The following ENAM variants were observed in gnomAD, a reference collection of about 807,000 sequenced individuals.
ENAM encodes the protein enamelin.
Under a neutral mutation model 33.6 loss-of-function variants are expected in ENAM, and 21 were observed. The observed-to-expected ratio is 0.63, with a 90% CI of 0.44 to 0.90. ENAM has a LOEUF of 0.90. Among genes scored for constraint, ENAM ranks in the 40% least tolerant of loss-of-function variants. The pLI, the probability that ENAM is intolerant of heterozygous loss-of-function variation, is 0.00. For synonymous variants in ENAM, 473 were observed against 468.4 expected (o/e 1.01, Z -0.13); for missense variants, 1,388 against 1,366.9 (o/e 1.02, Z -0.24).
intron 5 of ENAM, among the ~76,000 whole-genome samples, chr4:70,633,544 T>C (rs147966347): frequency 6.6e-6 from 1 of 152,158 alleles, no homozygotes; most frequent in South Asian, 2.1e-4. Flanking sequence ...CATCATCTAA[T>C]AGATAGCAAG....
Position 70,642,276 on chromosome 4 carries a change from C to T in ENAM, c.850C>T (p.Pro284Ser). 5 of 1,614,174 alleles carry T rather than the reference C, an allele frequency of 3.1e-6. No individual in the cohort carries two copies. Among genetic ancestry groups the T allele is most frequent in the Non-Finnish European group, 4.2e-6 (5 of 1,180,036 alleles). ...TPGLNTGNNP[P>S]AQNGIGPLPA... ...AGGACTAAACACTGGGAACAACCCT[C>T]CAGCTCAAAATGGGATTGGCCCACT... is the stretch of plus-strand genomic sequence containing the variant. The change falls in exon 9 of 9, where the codon CCA becomes TCA. Residue 284 changes from proline to serine, a missense_variant. By Grantham distance (74) the Pro-to-Ser change is moderately conservative. Transcript: ENST00000396073.
chr4:70,637,570 A>G, intron 7 of ENAM: 1 of 571,940 alleles, frequency 1.7e-6, no homozygotes, highest in East Asian at 2.9e-5. Context: ...AGGATAATCT[A>G]GGATCCAGCT....
Position 70,637,801 on chromosome 4 carries a change from A to G in ENAM, c.546A>G (p.Pro182=). 6.2e-7 allele frequency: 1 copy of G among 1,613,682 alleles called. No individual in the cohort carries two copies. The highest frequency in any genetic ancestry group is 1.3e-5 in the African/African-American group (1 of 75,026). Residue 182 remains proline, a synonymous_variant, in exon 8 of 9, where the codon CCA becomes CCG. Transcript: ENST00000396073. ...PPWQIPQRLP[P]PGYGRPPISN... ...TTTTCACTTCTCAGAGGTTACCACC[A>G]CCAGGTTATGGACGCCCACCAATCA...
rs1738717000 is a variant in ENAM, at chr4:70,644,837, C to T, written c.3411C>T (p.Cys1137=). 6.2e-7 allele frequency: 1 copy of T among 1,613,762 alleles called. No homozygotes were observed. Among genetic ancestry groups the T allele is most frequent in the South Asian group, 1.1e-5 (1 of 91,080 alleles). The change falls in exon 9 of 9, where the codon TGC becomes TGT. Residue 1137 remains cysteine (C), a synonymous_variant. Transcript: ENST00000396073. ...GTNVQDQVQD[C]LLLQA is the part of the protein sequence containing the mutation. ...ATGTACAGGACCAGGTACAAGACTGCTTACTACTTCAGGCCTAGGGGTTAT... is the reference window on the plus strand; with the variant it reads ...ATGTACAGGACCAGGTACAAGACTGTTTACTACTTCAGGCCTAGGGGTTAT...
intron 2 of ENAM, among the ~76,000 whole-genome samples, chr4:70,629,808 C>T (rs1271329561): frequency 6.6e-6 from 1 of 152,086 alleles, no homozygotes; most frequent in Non-Finnish European, 1.5e-5. Flanking sequence ...GAAGGGATCT[C>T]AGTCATCCAA....
At chr4:70,634,205 C>A in intron 5 of ENAM, 103 bp from the exon 6 acceptor site, 3 of 1,151,726 alleles carry the variant, frequency 2.6e-6, no homozygotes, top group Non-Finnish European at 3.9e-6. Flanking sequence ...AGTTCCAGGA[C>A]TTTTAAGCTC....
rs2148523966 is a variant in ENAM at position 70,644,427 on chromosome 4, G to A, written c.3001G>A (p.Val1001Ile). 6.2e-7 allele frequency: 1 copy of A among 1,614,170 alleles called. No homozygotes were observed. Among genetic ancestry groups the A allele is most frequent in the Non-Finnish European group, 8.5e-7 (1 of 1,180,020 alleles). The stretch of plus-strand genomic sequence containing the variant: ...AGATGGGAACAACATTCTGGAACAA[G>A]TTTTTGAAGACAACCAGCTCAATGA... ...GGDGNNILEQ[V>I]FEDNQLNERT... Residue 1001 changes from valine (V) to isoleucine (I), a missense_variant, in exon 9 of 9, where the codon GTT (valine) becomes ATT (isoleucine). Coordinates refer to ENST00000396073, the MANE Select transcript of ENAM (RefSeq NM_031889.3).
chr4:70,638,268 A>G (rs1175986133), intron 8 of ENAM, among the ~76,000 whole-genome samples: 2 of 152,062 alleles, frequency 1.3e-5, no homozygotes, highest in Non-Finnish European at 2.9e-5. Flanking sequence ...AACCAAATGT[A>G]TATCACAGAG....
In ENAM at chr4:70,634,828, C is replaced by T. The variant is rs1006823238; in HGVS notation, c.471+260C>T. On this transcript the variant is annotated intron_variant, in intron 6 of 8. Transcript: ENST00000396073. Reference sequence around the variant, plus strand: ...ATAATATGAGCACTAATCTAACAGTCGAGAATCAAAGGTTCAAGTCCTATG... The same window carrying T: ...ATAATATGAGCACTAATCTAACAGTTGAGAATCAAAGGTTCAAGTCCTATG... Among the ~76,000 whole-genome samples the T allele has an allele frequency of 3.3e-5, 5 of 152,110 alleles. No individual in the cohort carries two copies. In the East Asian group the frequency reaches 7.7e-4, roughly 23 times the overall value.
chr4:70,644,602 G>A lies in ENAM; in HGVS notation c.3176G>A (p.Gly1059Asp). 1 of 1,613,094 alleles carries A rather than the reference G, an allele frequency of 6.2e-7. No homozygotes were observed. The highest frequency in any genetic ancestry group is 8.5e-7 in the Non-Finnish European group (1 of 1,179,274). Residue 1059 changes from glycine to aspartate, a missense_variant, in exon 9 of 9, where the codon GGC becomes GAC. By Grantham distance (94) the Gly-to-Asp change is moderately conservative. Transcript: ENST00000396073. ...PSNILHLPCF[G>D]SKLAKHHSST... is the part of the protein sequence containing the mutation. ...AACATTCTGCATTTGCCATGCTTTG[G>A]CTCCAAATTAGCAAAGCATCACTCT... is the stretch of plus-strand genomic sequence containing the variant.
Position 70,643,780 on chromosome 4 carries a change from A to T in ENAM, c.2354A>T (p.Asn785Ile). ...QRERRPYFNR[N>I]IWDQATHLQK... The stretch of plus-strand genomic sequence containing the variant: ...GAAAGAAGGCCGTATTTTAACAGAA[A>T]TATCTGGGATCAGGCAACACATTTA... The change falls in exon 9 of 9, where the codon AAT becomes ATT. Residue 785 changes from asparagine to isoleucine, a missense_variant. Transcript: ENST00000396073. 6.2e-7 allele frequency: 1 copy of T among 1,614,176 alleles called. No individual in the cohort carries two copies. Among genetic ancestry groups the T allele is most frequent in the Non-Finnish European group, 8.5e-7 (1 of 1,180,018 alleles).
In ENAM at chr4:70,644,614, C is replaced by G; in HGVS notation, c.3188C>G (p.Ala1063Gly). 5 of 1,613,244 alleles carry G rather than the reference C, an allele frequency of 3.1e-6. No individual in the cohort carries two copies. The South Asian group carries it at 5.5e-5, about 18-fold the overall frequency. ...TTGCCATGCTTTGGCTCCAAATTAG[C>G]AAAGCATCACTCTTCCACCACCGGA... Reference protein sequence around the residue: ...LHLPCFGSKLAKHHSSTTGTP... With the variant: ...LHLPCFGSKLGKHHSSTTGTP... Residue 1063 changes from alanine to glycine, a missense_variant, in exon 9 of 9, where the codon GCA becomes GGA. Physicochemically the swap from Ala to Gly is moderately conservative, Grantham distance 60. Coordinates refer to ENST00000396073, the MANE Select transcript of ENAM (RefSeq NM_031889.3).
At position 70,642,765 on chromosome 4, in the gene ENAM, A is replaced by G; in HGVS notation, c.1339A>G (p.Ile447Val). The G allele has an allele frequency of 1.9e-6, 3 of 1,611,654 alleles. No homozygotes were observed. Among genetic ancestry groups the G allele is most frequent in the Non-Finnish European group, 2.5e-6 (3 of 1,179,340 alleles). ...GAAGCCCCTGGGTCCAAAAGAACAA[A>G]TAATAGTTCCTACAAAGAATCCAAC... ...KEKPLGPKEQ[I>V]IVPTKNPTSP... Residue 447 changes from isoleucine to valine, a missense_variant, in exon 9 of 9, where the codon ATA (isoleucine) becomes GTA (valine). Ile to Val is a conservative substitution (Grantham distance 29). Transcript: ENST00000396073.
At position 70,645,584 on chromosome 4, in the gene ENAM, A is replaced by G. The variant is rs531207869; in HGVS notation, c.*729A>G. 14 of 152,244 alleles carry G rather than the reference A, an allele frequency of 9.2e-5. No homozygotes were observed. Among genetic ancestry groups the G allele is most frequent in the African/African-American group, 3.4e-4 (14 of 41,516 alleles). 9.4% of individuals were successfully genotyped at this position (152,244 alleles called of 1,614,324 possible). A position where few individuals can be genotyped will look rare whatever the true frequency, so the allele number is the denominator to read the frequency against. ...TGTTCTGTCTCCCAATGTACCACTTATCAACTAATCCCTCTCCTCTCTGAT... is the reference window on the plus strand; with the variant it reads ...TGTTCTGTCTCCCAATGTACCACTTGTCAACTAATCCCTCTCCTCTCTGAT... On this transcript the variant is annotated 3_prime_UTR_variant, in exon 9 of 9. Transcript: ENST00000396073.
chr4:70,643,629 T>C lies in ENAM; in HGVS notation c.2203T>C (p.Ser735Pro), dbSNP rs2148523517. ...GAATTTTCCATCATATAATACAGCT[T>C]CTACTATGCCACCACCTATAGAGAG... is the stretch of plus-strand genomic sequence containing the variant. ...DENFPSYNTASTMPPPIESRG... is the reference protein window; with the variant it reads ...DENFPSYNTAPTMPPPIESRG... Residue 735 changes from serine (S) to proline (P), a missense_variant, in exon 9 of 9, where the codon TCT (serine) becomes CCT (proline). Ser to Pro is a moderately conservative substitution (Grantham distance 74, BLOSUM62 -1). Transcript: ENST00000396073. 1 of 1,614,136 alleles carries C rather than the reference T, an allele frequency of 6.2e-7. No individual in the cohort carries two copies. Among genetic ancestry groups the C allele is most frequent in the Non-Finnish European group, 8.5e-7 (1 of 1,180,020 alleles).
At chr4:70,637,325 T>C (rs1003595054) in intron 7 of ENAM, among the ~76,000 whole-genome samples, 6 of 152,156 alleles carry the variant, frequency 3.9e-5, no homozygotes, top group African/African-American at 1.4e-4. Flanking sequence ...TTGGAGTTTG[T>C]CCCCCTAAAC....
Position 70,637,770 on chromosome 4 carries a change from CTG to C in ENAM, c.535-16_535-15del. On this transcript the variant is annotated intron_variant, in intron 7 of 8. Coordinates refer to ENST00000396073, the MANE Select transcript of ENAM (RefSeq NM_031889.3). ...CGAACGTGGTTTTCTCCTGTGTTCA[CTG>C]TGTTTTTCACTTCTCAGAGGTTACC... 1 of 1,609,584 alleles carries C rather than the reference CTG, an allele frequency of 6.2e-7. No individual in the cohort carries two copies. Among genetic ancestry groups the C allele is most frequent in the South Asian group, 1.1e-5 (1 of 91,020 alleles).
Position 70,637,821 on chromosome 4 carries a change from C to A in ENAM, c.566C>A (p.Pro189Gln). ...RLPPPGYGRP[P>Q]ISNEEGGNPY... is the part of the protein sequence containing the mutation. ...CCACCACCAGGTTATGGACGCCCAC[C>A]AATCAGCAATGAAGAAGGGGGGGTA... is the stretch of plus-strand genomic sequence containing the variant. The change falls in exon 8 of 9, where the codon CCA becomes CAA. Residue 189 changes from proline (P) to glutamine (Q), a missense_variant. Coordinates refer to ENST00000396073, the MANE Select transcript of ENAM (RefSeq NM_031889.3). The A allele has an allele frequency of 6.2e-7, 1 of 1,613,410 alleles. No homozygotes were observed. Among genetic ancestry groups the A allele is most frequent in the African/African-American group, 1.3e-5 (1 of 75,002 alleles).
At chr4:70,637,748 A>T in intron 7 of ENAM, 42 bp from the exon 8 acceptor site, 1 of 1,501,968 alleles carries the variant, frequency 6.7e-7, no homozygotes, top group South Asian at 1.1e-5. Flanking sequence ...GCGGCATCGA[A>T]CGTGGTTTTC....
Sources: allele counts gnomAD v4.1 joint callset (sites outside exome capture counted in the v4.1 genomes callset), GRCh38; gene constraint gnomAD v4.1.1; transcripts MANE v1.5; gene names NCBI Gene and HGNC (gene_info 2026-07-23, HGNC 2026-07-21).